The following C4orf54 variants were observed in gnomAD, a reference collection of about 807,000 sequenced individuals.
The protein encoded by C4orf54 is chromosome 4 open reading frame 54.
C4orf54 carries 67 observed loss-of-function variants against 80.1 expected under a neutral mutation model. The observed-to-expected ratio is 0.84, with a 90% CI of 0.69 to 1.03. The LOEUF (loss-of-function observed/expected upper bound fraction) is 1.03, where lower values mean the gene tolerates loss of function less well. Ranked by LOEUF, C4orf54 falls within the 50% of genes least tolerant of loss-of-function variation. The pLI is 0.00. For missense variants in C4orf54, 2,434 were observed against 2,253.5 expected (o/e 1.08, Z -1.62); for synonymous variants, 1,000 against 917.0 (o/e 1.09, Z -1.64).
Position 99,650,956 on chromosome 4 carries a change from G to A in C4orf54, c.3693C>T (p.Thr1231=). 1 of 1,535,944 alleles carries A rather than the reference G, an allele frequency of 6.5e-7. No individual in the cohort carries two copies. Among genetic ancestry groups the A allele is most frequent in the African/African-American group, 1.4e-5 (1 of 73,000 alleles). The change falls in exon 2 of 3, where the codon ACC becomes ACT. Residue 1231 remains threonine (T), a synonymous_variant. Coordinates refer to ENST00000511828, the MANE Select transcript of C4orf54 (RefSeq NM_001354435.2). ...CCTCCTCCTCCTTGAGCTTCTCTGG[G>A]GTCTTCTGGGTGGAAGCCTTGGAGA... ...KIVSKASTQK[T]PEKLKEEEVK... is the part of the protein sequence containing the mutation.
chr4:99,646,452 G>A (rs1365787710), intron 2 of C4orf54, among the ~76,000 whole-genome samples: 1 of 152,208 alleles, frequency 6.6e-6, no homozygotes, highest in Admixed American at 6.5e-5. Context: ...TGCCACCACA[G>A]AGCAGATCCC....
At position 99,653,437 on chromosome 4, in the gene C4orf54, C is replaced by G; in HGVS notation, c.1212G>C (p.Val404=). ...CGCTGCCACCAAAGGAAGCATAATCCACGAACGAGTAGATCACGTTGTTGT... is the reference window on the plus strand; with the variant it reads ...CGCTGCCACCAAAGGAAGCATAATCGACGAACGAGTAGATCACGTTGTTGT... ...FEDNNVIYSF[V]DYASFGGSDE... is the part of the protein sequence containing the mutation. The change falls in exon 2 of 3, where the codon GTG becomes GTC. Residue 404 remains valine (V), a synonymous_variant. Coordinates refer to ENST00000511828, the MANE Select transcript of C4orf54 (RefSeq NM_001354435.2). The G allele has an allele frequency of 6.5e-7, 1 of 1,536,142 alleles. No homozygotes were observed. The highest frequency in any genetic ancestry group is 1.2e-5 in the South Asian group (1 of 84,058).
At position 99,652,093 on chromosome 4, in the gene C4orf54, GC is replaced by G; in HGVS notation, c.2555del (p.Arg852ProfsTer110). 6.5e-7 allele frequency: 1 copy of G among 1,536,070 alleles called. No individual in the cohort carries two copies. Among genetic ancestry groups the G allele is most frequent in the Non-Finnish European group, 8.7e-7 (1 of 1,146,868 alleles). On this transcript the variant is annotated frameshift_variant, in exon 2 of 3. Transcript: ENST00000511828. LOFTEE classifies it high-confidence loss of function. ...SGTSKETEGA[R>X]GSERQRERGL... ...CCCTCTCTCGCTGCCTCTCGCTCCC[GC>G]GGGCGCCCTCCGTCTCCTTGGAGGT...
rs1204235977 is a variant in C4orf54 at position 99,653,085 on chromosome 4, A to T, written c.1564T>A (p.Ser522Thr). The change falls in exon 2 of 3, where the codon TCA (serine) becomes ACA (threonine). Residue 522 changes from serine to threonine, a missense_variant. Physicochemically the swap from Ser to Thr is moderately conservative, Grantham distance 58. Transcript: ENST00000511828. Reference sequence around the variant, plus strand: ...ATAGCCCGGGAAGCCGGTTTGATTGATAGGAGGATCTGGCTTGCTGCACTC... The same window carrying T: ...ATAGCCCGGGAAGCCGGTTTGATTGTTAGGAGGATCTGGCTTGCTGCACTC... ...CGSAASQILL[S>T]IKPASRAINE... The T allele has an allele frequency of 6.5e-7, 1 of 1,536,218 alleles. No individual in the cohort carries two copies. The highest frequency in any genetic ancestry group is 2.4e-5 in the East Asian group (1 of 40,894).
At chr4:99,648,554 A>AGTGTGTGTGTGTGTGTGTGT (rs60651888) in intron 2 of C4orf54, among the ~76,000 whole-genome samples, 3,104 of 145,732 alleles carry the variant, frequency 0.021, 53 homozygotes, top group African/African-American at 0.035. Context: ...TAGAGAACAA[A>AGTGTGTGTGTGTGTGTGTGT]GTGTGTGTGT....
At chr4:99,655,370 A>C (rs1726962286) in intron 1 of C4orf54, among the ~76,000 whole-genome samples, 1 of 152,228 alleles carries the variant, frequency 6.6e-6, no homozygotes, top group Non-Finnish European at 1.5e-5. Context: ...ATCTCAAAAA[A>C]GATCCCTAAA....
In C4orf54 at chr4:99,649,626, TG is replaced by T; in HGVS notation, c.5022del (p.Thr1675ProfsTer3). On this transcript the variant is annotated frameshift_variant, in exon 2 of 3. Coordinates refer to ENST00000511828, the MANE Select transcript of C4orf54 (RefSeq NM_001354435.2). LOFTEE classifies it low-confidence loss of function (END_TRUNC). The part of the protein sequence containing the change: ...PLALSPGAYG[P>X]TYMIYPGFLP... The stretch of plus-strand genomic sequence containing the variant: ...AGAAACCCAGGGTAAATCATGTAGG[TG>T]GGTCCATAAGCCCCAGGACTCAGGG... 1 of 1,536,096 alleles carries T rather than the reference TG, an allele frequency of 6.5e-7. No individual in the cohort carries two copies. Among genetic ancestry groups the T allele is most frequent in the African/African-American group, 1.4e-5 (1 of 73,154 alleles).
chr4:99,637,989 T>A lies in C4orf54; in HGVS notation c.*3244A>T, dbSNP rs1391080615. 2.6e-5 allele frequency: 4 copies of A among 152,190 alleles called. No individual in the cohort carries two copies. The highest frequency in any genetic ancestry group is 5.9e-5 in the Non-Finnish European group (4 of 68,002). The allele number at this position is 152,190 out of a possible 1,614,324, so 9.4% of individuals were successfully genotyped here. On this transcript the variant is annotated 3_prime_UTR_variant, in exon 3 of 3. Coordinates refer to ENST00000511828, the MANE Select transcript of C4orf54 (RefSeq NM_001354435.2). ...TATTTCAGGTAACGTGAGCATTCAA[T>A]TTGTAGCAAACACAGACTTTGATTT...
At chr4:99,656,204 G>A (rs1443860858) in intron 1 of C4orf54, among the ~76,000 whole-genome samples, 1 of 151,582 alleles carries the variant, frequency 6.6e-6, no homozygotes, top group African/African-American at 2.4e-5. Context: ...GAGAATGAAA[G>A]AGTAAAGAGC....
chr4:99,643,573 C>T (rs1171588475), intron 2 of C4orf54, among the ~76,000 whole-genome samples: 3 of 152,116 alleles, frequency 2.0e-5, no homozygotes, highest in Non-Finnish European at 2.9e-5. Flanking sequence ...CCTAGGAGTC[C>T]TTAAGCTGTC....
intron 2 of C4orf54, among the ~76,000 whole-genome samples, chr4:99,644,564 A>C (rs1321916517): frequency 6.6e-6 from 1 of 152,164 alleles, no homozygotes; most frequent in Admixed American, 6.5e-5. Context: ...TGAAGTGAAA[A>C]TAAAACGTCT....
chr4:99,637,494 G>A lies in C4orf54; in HGVS notation c.*3739C>T, dbSNP rs528462679. On this transcript the variant is annotated 3_prime_UTR_variant, in exon 3 of 3. Transcript: ENST00000511828. ...AGGCACCAATTAGCAAGTGCTACAT[G>A]CTTTATTAATGATTTTATGCACCTG... 39 of 152,242 alleles carry A rather than the reference G, an allele frequency of 2.6e-4. No individual in the cohort carries two copies. Among genetic ancestry groups the A allele is most frequent in the African/African-American group, 9.1e-4 (38 of 41,556 alleles). The allele number at this position is 152,242 out of a possible 1,614,324, so 9.4% of individuals were successfully genotyped here.
chr4:99,646,106 C>T (rs1248427018), intron 2 of C4orf54, among the ~76,000 whole-genome samples: 12 of 151,658 alleles, frequency 7.9e-5, no homozygotes, highest in South Asian at 6.3e-4. Flanking sequence ...CAAATATATA[C>T]GGGAAGGAAC....
Position 99,652,663 on chromosome 4 carries a change from T to G in C4orf54, c.1986A>C (p.Ser662=). 2 of 1,536,036 alleles carry G rather than the reference T, an allele frequency of 1.3e-6. No homozygotes were observed. The highest frequency in any genetic ancestry group is 1.7e-6 in the Non-Finnish European group (2 of 1,146,884). ...TLSEVGFGRW[S]TFLDLKCGGV... ...CCCCACATTTTAAGTCCAGGAAAGT[T>G]GACCAGCGCCCAAAGCCCACTTCGG... Residue 662 remains serine, a synonymous_variant, in exon 2 of 3, where the codon TCA becomes TCC. Coordinates refer to ENST00000511828, the MANE Select transcript of C4orf54 (RefSeq NM_001354435.2).
chr4:99,652,532 T>C lies in C4orf54; in HGVS notation c.2117A>G (p.Tyr706Cys). ...SGARATADQL[Y>C]IQSKKSQTKA... is the part of the protein sequence containing the mutation. Reference sequence around the variant, plus strand: ...GGTCTGAGACTTCTTGGACTGGATGTAGAGCTGGTCGGCAGTGGCCCGGGC... The same window carrying C: ...GGTCTGAGACTTCTTGGACTGGATGCAGAGCTGGTCGGCAGTGGCCCGGGC... Residue 706 changes from tyrosine to cysteine, a missense_variant, in exon 2 of 3, where the codon TAC becomes TGC. By Grantham distance (194) the Tyr-to-Cys change is radical. Transcript: ENST00000511828. 1 of 1,536,068 alleles carries C rather than the reference T, an allele frequency of 6.5e-7. No homozygotes were observed. The highest frequency in any genetic ancestry group is 8.7e-7 in the Non-Finnish European group (1 of 1,146,906).
In C4orf54 at chr4:99,653,326, G is replaced by A. The variant is rs1726896906; in HGVS notation, c.1323C>T (p.Thr441=). 6.5e-7 allele frequency: 1 copy of A among 1,534,172 alleles called. No homozygotes were observed. Among genetic ancestry groups the A allele is most frequent in the East Asian group, 2.4e-5 (1 of 40,854 alleles). ...TGCTTGTAGGGCTGGGCGTCCGGGT[G>A]GTGTTGGTGCTGGGAGTGGTGCTGA... ...CYLSTTPSTN[T]TRTPSPTSSD... Residue 441 remains threonine, a synonymous_variant, in exon 2 of 3, where the codon ACC becomes ACT. Transcript: ENST00000511828.
At chr4:99,648,554 AGTGTGT>A (rs60651888) in intron 2 of C4orf54, among the ~76,000 whole-genome samples, 13 of 145,830 alleles carry the variant, frequency 8.9e-5, no homozygotes, top group Non-Finnish European at 1.5e-4. Context: ...TAGAGAACAA[AGTGTGT>A]GTGTGTGTGT....
intron 1 of C4orf54, among the ~76,000 whole-genome samples, chr4:99,655,101 GT>G (rs1560642671): frequency 6.6e-6 from 1 of 152,124 alleles, no homozygotes; most frequent in Non-Finnish European, 1.5e-5. Flanking sequence ...AATCAGATGA[GT>G]TTTGGTAGTA....
intron 2 of C4orf54, among the ~76,000 whole-genome samples, chr4:99,645,228 T>C (rs12647188): frequency 0.47 from 71,525 of 151,508 alleles, 19,517 homozygotes; most frequent in African/African-American, 0.73. Context: ...GTCTAGGGAC[T>C]CATTAGAATA....
Sources: gnomAD v4.1 joint callset for allele counts (sites outside exome capture counted in the v4.1 genomes callset) on GRCh38, gnomAD v4.1.1 for gene constraint, MANE v1.5 for transcripts, NCBI Gene and HGNC (gene_info 2026-07-23, HGNC 2026-07-21) for gene names.